Variants in UBE2G1 observed in about 807,000 individuals in gnomAD.
UBE2G1 encodes the protein ubiquitin conjugating enzyme E2 G1, also known as ubiquitin-conjugating enzyme E2 G1.
In UBE2G1, 5 loss-of-function variants were observed where a neutral mutation model predicts 22.7. The ratio of observed to expected loss-of-function variants is 0.22; its 90% CI spans 0.12 to 0.46. The LOEUF (loss-of-function observed/expected upper bound fraction) is 0.46, where lower values mean the gene tolerates loss of function less well. UBE2G1 is among the 20% of genes least tolerant of loss of function. The pLI is 0.99. For synonymous variants in UBE2G1, 74 were observed against 67.5 expected (o/e 1.10, Z -0.47); for missense variants, 88 against 203.9 (o/e 0.43, Z 3.46).
chr17:4,300,404 G>A (rs189918089), intron 2 of UBE2G1, among the ~76,000 whole-genome samples: 10 of 151,750 alleles, frequency 6.6e-5, no homozygotes, highest in Admixed American at 1.3e-4. Context: ...TTAGCCAGGC[G>A]TGGTGGCAGG....
intron 1 of UBE2G1, among the ~76,000 whole-genome samples, chr17:4,352,123 T>G (rs1314011982): frequency 1.3e-5 from 2 of 152,138 alleles, no homozygotes; most frequent in Non-Finnish European, 2.9e-5. Flanking sequence ...TCAAAAAAAG[T>G]GACAAAATCA....
At chr17:4,354,441 C>T (rs936737601) in intron 1 of UBE2G1, among the ~76,000 whole-genome samples, 4 of 152,112 alleles carry the variant, frequency 2.6e-5, no homozygotes, top group African/African-American at 9.7e-5. Flanking sequence ...AAATTACATA[C>T]CAAATTATGC....
At chr17:4,316,576 G>C (rs779493001) in intron 1 of UBE2G1, among the ~76,000 whole-genome samples, 77 of 152,112 alleles carry the variant, frequency 5.1e-4, no homozygotes, top group Non-Finnish European at 8.7e-4. Context: ...TAGATTTCAA[G>C]ATGCATCAAG....
rs932013541 is a variant in UBE2G1, at chr17:4,269,389, A to C, written c.*3165T>G. The C allele has an allele frequency of 6.5e-6, 1 of 152,956 alleles. No individual in the cohort carries two copies. The allele number at this position is 152,956 out of a possible 1,614,324, so 9.5% of individuals were successfully genotyped here. ...AATCAACAAATTACAGAACTAAAAAAACTGAAATGAAGCAACATTATGTCA... is the reference window on the plus strand; with the variant it reads ...AATCAACAAATTACAGAACTAAAAACACTGAAATGAAGCAACATTATGTCA... On this transcript the variant is annotated 3_prime_UTR_variant, in exon 6 of 6. Transcript: ENST00000396981.
At chr17:4,356,337 G>A (rs1175552968) in intron 1 of UBE2G1, among the ~76,000 whole-genome samples, 3 of 151,608 alleles carry the variant, frequency 2.0e-5, no homozygotes, top group African/African-American at 4.8e-5. Flanking sequence ...CAGCCTGGGC[G>A]ACAAGAGCGA....
chr17:4,339,467 G>C (rs965324508), intron 1 of UBE2G1, among the ~76,000 whole-genome samples: 3 of 152,034 alleles, frequency 2.0e-5, no homozygotes, highest in African/African-American at 7.2e-5. Flanking sequence ...ACCACGATCG[G>C]CTAATTTTTT....
intron 3 of UBE2G1, among the ~76,000 whole-genome samples, chr17:4,294,427 A>G (rs1163654534): frequency 5.1e-5 from 1 of 19,618 alleles, no homozygotes; most frequent in African/African-American, 6.0e-5. Context: ...AAAAAAAAAA[A>G]AAAAAAAAAA....
Position 4,329,374 on chromosome 17 carries a change from G to A in UBE2G1, c.47-22251C>T, listed in dbSNP as rs528067508. ...AGATCGCACCATTGCACTCCAGCCTGGGTGACAGAGCGAGATTCTGTCTCA... is the reference window on the plus strand; with the variant it reads ...AGATCGCACCATTGCACTCCAGCCTAGGTGACAGAGCGAGATTCTGTCTCA... On this transcript the variant is annotated intron_variant, in intron 1 of 5. Coordinates refer to ENST00000396981, the MANE Select transcript of UBE2G1 (RefSeq NM_003342.5). 1.4e-3 allele frequency among the ~76,000 whole-genome samples: 210 copies of A among 152,104 alleles called. 1 individual carries two copies. The highest frequency in any genetic ancestry group is 4.7e-3 in the African/African-American group (197 of 41,478).
chr17:4,332,244 T>C (rs1395506520), intron 1 of UBE2G1, among the ~76,000 whole-genome samples: 1 of 152,202 alleles, frequency 6.6e-6, no homozygotes, highest in Non-Finnish European at 1.5e-5. Flanking sequence ...TCAGAGGCTA[T>C]ATTCTATTTG....
intron 5 of UBE2G1, among the ~76,000 whole-genome samples, chr17:4,273,848 G>T (rs1278572777): frequency 6.6e-6 from 1 of 152,158 alleles, no homozygotes; most frequent in African/African-American, 2.4e-5. Context: ...AAAAGAAACA[G>T]AAGATGACTA....
intron 2 of UBE2G1, chr17:4,301,251 A>C: frequency 8.0e-6 from 3 of 373,388 alleles, no homozygotes; most frequent in African/African-American, 2.1e-5. Context: ...TCACATAGTC[A>C]TGTGATCACT....
chr17:4,336,168 A>G (rs1969643530), intron 1 of UBE2G1, among the ~76,000 whole-genome samples: 1 of 152,052 alleles, frequency 6.6e-6, no homozygotes, highest in Admixed American at 6.6e-5. Context: ...AAGAAAGAAA[A>G]CCAAAAGCAA....
At chr17:4,308,861 G>T (rs1009884032) in intron 1 of UBE2G1, among the ~76,000 whole-genome samples, 4 of 152,170 alleles carry the variant, frequency 2.6e-5, no homozygotes, top group African/African-American at 9.7e-5. Context: ...CAATGTTTAG[G>T]TAACTGAGGA....
Position 4,280,062 on chromosome 17 carries a change from G to T in UBE2G1, c.*37+2736C>A, listed in dbSNP as rs1163080911. Reference sequence around the variant, plus strand: ...CTTTTTTTTTTTTTTTTGAGATGAAGTCTCACTCTGTAGCCCAGGCTAGAG... The same window carrying T: ...CTTTTTTTTTTTTTTTTGAGATGAATTCTCACTCTGTAGCCCAGGCTAGAG... On this transcript the variant is annotated intron_variant, in intron 5 of 5. Transcript: ENST00000396981. Among the ~76,000 whole-genome samples, 14 of 146,056 alleles carry T rather than the reference G, an allele frequency of 9.6e-5. No individual in the cohort carries two copies. The Admixed American group carries it at 9.6e-4, about 10-fold the overall frequency.
At chr17:4,332,132 T>C (rs1045887839) in intron 1 of UBE2G1, among the ~76,000 whole-genome samples, 115 of 152,202 alleles carry the variant, frequency 7.6e-4, no homozygotes, top group African/African-American at 2.6e-3. Flanking sequence ...TATATATACA[T>C]ATACATAATG....
chr17:4,325,113 CAAA>C, intron 1 of UBE2G1, among the ~76,000 whole-genome samples: 1 of 142,548 alleles, frequency 7.0e-6, no homozygotes, highest in Middle Eastern at 3.7e-3. Context: ...AAACAAAAAA[CAAA>C]AAAAAAAAGT....
intron 1 of UBE2G1, among the ~76,000 whole-genome samples, chr17:4,364,900 A>G (rs1313718519): frequency 6.6e-6 from 1 of 152,250 alleles, no homozygotes. Context: ...TTTCCAGCAC[A>G]TAATTTTTAT....
At chr17:4,331,506 AACACAT>A (rs1473960658) in intron 1 of UBE2G1, among the ~76,000 whole-genome samples, 1 of 152,180 alleles carries the variant, frequency 6.6e-6, no homozygotes, top group African/African-American at 2.4e-5. Context: ...TAACTCTTAA[AACACAT>A]ACACTACACA....
chr17:4,365,601 G>A (rs1970024314), intron 1 of UBE2G1, among the ~76,000 whole-genome samples: 1 of 152,046 alleles, frequency 6.6e-6, no homozygotes, highest in Admixed American at 6.6e-5. Flanking sequence ...TCTCCCCGCG[G>A]CCCGCTCCTA....
Sources: gnomAD v4.1 joint callset for allele counts (sites outside exome capture counted in the v4.1 genomes callset) on GRCh38, gnomAD v4.1.1 for gene constraint, MANE v1.5 for transcripts, NCBI Gene and HGNC (gene_info 2026-07-23, HGNC 2026-07-21) for gene names.